The following UBN2 variants were observed in gnomAD, a reference collection of about 807,000 sequenced individuals.
UBN2 encodes the protein ubinuclein-2.
UBN2 carries 35 observed loss-of-function variants against 120.2 expected under a neutral mutation model. That is an observed-to-expected ratio of 0.29 (90% confidence interval 0.22 to 0.39). The LOEUF is 0.39. Among genes scored for constraint, UBN2 ranks in the 10% least tolerant of loss-of-function variants. The pLI is 1.00. For synonymous variants in UBN2, 661 were observed against 648.7 expected (o/e 1.02, Z -0.29); for missense variants, 1,693 against 1,663.2 (o/e 1.02, Z -0.31).
chr7:139,268,358 C>T (rs1585009459), intron 7 of UBN2, among the ~76,000 whole-genome samples: 1 of 152,108 alleles, frequency 6.6e-6, no homozygotes, highest in East Asian at 1.9e-4. Context: ...CCTAAACAAA[C>T]ATGTCTTATT....
chr7:139,255,134 C>T (rs773148090), intron 3 of UBN2, among the ~76,000 whole-genome samples: 1 of 152,280 alleles, frequency 6.6e-6, no homozygotes, highest in South Asian at 2.1e-4. Flanking sequence ...ATCACTGGCA[C>T]CTACTGGTCT....
intron 1 of UBN2, among the ~76,000 whole-genome samples, chr7:139,235,907 A>G (rs1796151757): frequency 6.6e-6 from 1 of 152,098 alleles, no homozygotes; most frequent in African/African-American, 2.4e-5. Flanking sequence ...CTCAGTCTTT[A>G]TATCCAGGAT....
In UBN2 at chr7:139,298,291, T is replaced by A. The variant is rs1486863849; in HGVS notation, c.*455T>A. ...TGTCAGGAATAATGATCATGTCTATTTGAATGGACTGTGTAGCAGATTTGC... is the reference window on the plus strand; with the variant it reads ...TGTCAGGAATAATGATCATGTCTATATGAATGGACTGTGTAGCAGATTTGC... On this transcript the variant is annotated 3_prime_UTR_variant, in exon 18 of 18. Transcript: ENST00000473989. 1 of 166,204 alleles carries A rather than the reference T, an allele frequency of 6.0e-6. No homozygotes were observed. Among genetic ancestry groups the A allele is most frequent in the Admixed American group, 6.0e-5 (1 of 16,724 alleles). The allele number at this position is 166,204 out of a possible 1,614,324, so 10.3% of individuals were successfully genotyped here.
chr7:139,301,354 T>G lies in UBN2; in HGVS notation c.*3518T>G, dbSNP rs1052734357. 6.6e-6 allele frequency: 1 copy of G among 152,132 alleles called. No individual in the cohort carries two copies. The highest frequency in any genetic ancestry group is 1.5e-5 in the Non-Finnish European group (1 of 68,010). 9.4% of individuals were successfully genotyped at this position (152,132 alleles called of 1,614,324 possible). A position where few individuals can be genotyped will look rare whatever the true frequency, so the allele number is the denominator to read the frequency against. On this transcript the variant is annotated 3_prime_UTR_variant, in exon 18 of 18. Transcript: ENST00000473989. ...TCTAGTCTTTGTCCTCTGGTTGCCCTCTCCCACACCCCTTTCCACCTATAC... is the reference window on the plus strand; with the variant it reads ...TCTAGTCTTTGTCCTCTGGTTGCCCGCTCCCACACCCCTTTCCACCTATAC...
intron 8 of UBN2, among the ~76,000 whole-genome samples, chr7:139,271,194 T>C (rs982229222): frequency 1.3e-5 from 2 of 152,248 alleles, no homozygotes; most frequent in Non-Finnish European, 2.9e-5. Flanking sequence ...TTTTATGTTA[T>C]ATGTGCTGTA....
chr7:139,305,950 A>G lies in UBN2; in HGVS notation c.*8114A>G, dbSNP rs1318756288. 2.0e-5 allele frequency: 3 copies of G among 152,174 alleles called. No homozygotes were observed. Among genetic ancestry groups the G allele is most frequent in the South Asian group, 2.1e-4 (1 of 4,832 alleles). The allele number at this position is 152,174 out of a possible 1,614,324, so 9.4% of individuals were successfully genotyped here. On this transcript the variant is annotated 3_prime_UTR_variant, in exon 18 of 18. Coordinates refer to ENST00000473989, the MANE Select transcript of UBN2 (RefSeq NM_173569.4). ...AAGCCTACTTTTGCAAACAGGCCAT[A>G]TGAATCAAATTTTATGTTTGTTCCT...
intron 13 of UBN2, 65 bp from the exon 14 acceptor site, chr7:139,281,940 G>C (rs1173382518): frequency 6.5e-7 from 1 of 1,528,536 alleles, no homozygotes; most frequent in Non-Finnish European, 9.0e-7. Flanking sequence ...TAAAAGCTTA[G>C]AAAAAATACT....
At chr7:139,256,308 G>A (rs1246276108) in intron 3 of UBN2, among the ~76,000 whole-genome samples, 4 of 152,172 alleles carry the variant, frequency 2.6e-5, no homozygotes, top group Non-Finnish European at 4.4e-5. Flanking sequence ...TTCTTAGCAG[G>A]TGATATATTT....
At chr7:139,254,367 G>A (rs1258124158) in intron 3 of UBN2, among the ~76,000 whole-genome samples, 1 of 152,220 alleles carries the variant, frequency 6.6e-6, no homozygotes, top group Non-Finnish European at 1.5e-5. Context: ...GTCTGTAGAA[G>A]TAACATATTG....
Position 139,259,381 on chromosome 7 carries a change from T to C in UBN2, c.905+11T>C, listed in dbSNP as rs78110544. 7.4e-3 allele frequency: 11,859 copies of C among 1,612,600 alleles called. 67 individuals are homozygous for C. The highest frequency in any genetic ancestry group is 7.3e-3 in the Non-Finnish European group (8,602 of 1,179,628). ...TCCCAAACAACTGGGGTACGTTAAATTAAACCTAAGAAGGGAACTGGCGTC... is the reference window on the plus strand; with the variant it reads ...TCCCAAACAACTGGGGTACGTTAAACTAAACCTAAGAAGGGAACTGGCGTC... On this transcript the variant is annotated intron_variant, in intron 5 of 17. Coordinates refer to ENST00000473989, the MANE Select transcript of UBN2 (RefSeq NM_173569.4).
At chr7:139,292,510 C>A (rs149321999) in intron 15 of UBN2, among the ~76,000 whole-genome samples, 2 of 152,052 alleles carry the variant, frequency 1.3e-5, no homozygotes, top group Non-Finnish European at 2.9e-5. Context: ...GGTGAAAACC[C>A]GCTTTCAGGA....
At position 139,297,787 on chromosome 7, in the gene UBN2, A is replaced by G. The variant is rs888019766; in HGVS notation, c.3995A>G (p.Asp1332Gly). 1.4e-5 allele frequency: 22 copies of G among 1,614,074 alleles called. No individual in the cohort carries two copies. Among genetic ancestry groups the G allele is most frequent in the Admixed American group, 3.3e-5 (2 of 60,010 alleles). Residue 1332 changes from aspartate (D) to glycine (G), a missense_variant and splice_region_variant, in exon 18 of 18, where the codon GAT becomes GGT. Transcript: ENST00000473989. Reference sequence around the variant, plus strand: ...CCAATTTAACGTCTCTTTTTCTCAGATGGAGGCCAAAGTAAAGGGGACACT... The same window carrying G: ...CCAATTTAACGTCTCTTTTTCTCAGGTGGAGGCCAAAGTAAAGGGGACACT... ...LPAHLQQAFH[D>G]GGQSKGDTKL...
chr7:139,263,936 T>C (rs939623525), intron 6 of UBN2, among the ~76,000 whole-genome samples: 2 of 152,190 alleles, frequency 1.3e-5, no homozygotes, highest in Non-Finnish European at 2.9e-5. Flanking sequence ...TAAAATTCCA[T>C]CAGAAATTCT....
chr7:139,313,405 C>T, the UBN2 span, among the ~76,000 whole-genome samples: 1 of 152,128 alleles, frequency 6.6e-6, no homozygotes, highest in Non-Finnish European at 1.5e-5. Context: ...ATTGTTGGTA[C>T]TAAGGAATGC....
Position 139,293,425 on chromosome 7 carries a change from G to A in UBN2, c.3863G>A (p.Gly1288Glu). Residue 1288 changes from glycine (G) to glutamate (E), a missense_variant, in exon 16 of 18, where the codon GGA becomes GAA. Physicochemically the swap from Gly to Glu is moderately conservative, Grantham distance 98 (BLOSUM62 -2). Transcript: ENST00000473989. ...TDTAGVTTTS[G>E]STSAAFHHSL... ...ACAGCTGGAGTGACAACCACCTCGG[G>A]ATCTACCTCAGCCGCTTTCCACCAT... 1 of 1,614,132 alleles carries A rather than the reference G, an allele frequency of 6.2e-7. No individual in the cohort carries two copies. The highest frequency in any genetic ancestry group is 8.5e-7 in the Non-Finnish European group (1 of 1,180,006).
intron 15 of UBN2, among the ~76,000 whole-genome samples, chr7:139,291,352 C>A (rs1797949787): frequency 8.4e-6 from 1 of 118,942 alleles, no homozygotes. Flanking sequence ...CAGAGTGAGA[C>A]TCTGTCTCAA....
the UBN2 span, among the ~76,000 whole-genome samples, chr7:139,316,088 AAAAAAAAAAAAAAAAAAAAG>A: frequency 9.1e-3 from 1,302 of 143,600 alleles, 81 homozygotes; most frequent in African/African-American, 0.033. Context: ...AAAAAAAAAA[AAAAAAAAAAAAAAAAAAAAG>A]GGGTTCCAGT....
At chr7:139,311,003 A>G (rs1039954260), downstream of UBN2, among the ~76,000 whole-genome samples, 1 of 152,238 alleles carries the variant, frequency 6.6e-6, no homozygotes, top group Non-Finnish European at 1.5e-5. Flanking sequence ...CAAACAGTCA[A>G]AAGTTTGCTT....
Position 139,259,369 on chromosome 7 carries a change from G to A in UBN2, c.904G>A (p.Gly302Arg), listed in dbSNP as rs777268681. The change falls in exon 5 of 18, where the codon GGA becomes AGA. Residue 302 changes from glycine (G) to arginine (R), a missense_variant and splice_region_variant. Physicochemically the swap from Gly to Arg is moderately radical, Grantham distance 125 (BLOSUM62 -2). This residue lies in a region of UBN2 where 663 missense variants were observed against 591.2 expected (regional missense o/e 1.12). Transcript: ENST00000473989. Reference sequence around the variant, plus strand: ...AAGGAAAAAAGTTCCCAAACAACTGGGGTACGTTAAATTAAACCTAAGAAG... The same window carrying A: ...AAGGAAAAAAGTTCCCAAACAACTGAGGTACGTTAAATTAAACCTAAGAAG... ...KPRKKVPKQLGVVALNSHKSE... is the reference protein window; with the variant it reads ...KPRKKVPKQLRVVALNSHKSE... 1.2e-6 allele frequency: 2 copies of A among 1,613,308 alleles called. No homozygotes were observed. Among genetic ancestry groups the A allele is most frequent in the East Asian group, 4.5e-5 (2 of 44,846 alleles).
Sources: gnomAD v4.1 joint callset for allele counts (sites outside exome capture counted in the v4.1 genomes callset) on GRCh38, gnomAD v4.1.1 for gene constraint, gnomAD v4.1.1 regional missense constraint, MANE v1.5 for transcripts, NCBI Gene and HGNC (gene_info 2026-07-23, HGNC 2026-07-21) for gene names.